Variants in AAMDC observed in about 807,000 individuals in gnomAD.
AAMDC encodes adipogenesis associated Mth938 domain containing, also known as mth938 domain-containing protein.
Under a neutral mutation model 15.5 loss-of-function variants are expected in AAMDC, and 16 were observed. The observed-to-expected ratio is 1.03, with a 90% CI of 0.70 to 1.57. AAMDC has a LOEUF of 1.57. AAMDC is among the 40% of genes most tolerant of loss of function. The probability of loss-of-function intolerance (pLI) is 0.00; values close to 1 mark genes in which losing one functional copy is unlikely to be tolerated. For missense variants in AAMDC, 141 were observed against 144.9 expected (o/e 0.97, Z 0.14); for synonymous variants, 51 against 51.6 (o/e 0.99, Z 0.05).
intron 2 of AAMDC, among the ~76,000 whole-genome samples, chr11:77,857,844 G>A (rs774253944): frequency 2.6e-4 from 40 of 151,928 alleles, no homozygotes; most frequent in East Asian, 2.3e-3. Flanking sequence ...CGACAGGTGC[G>A]CACCACCATG....
intron 3 of AAMDC, 65 bp from the exon 4 acceptor site, chr11:77,872,110 T>C: frequency 1.3e-6 from 2 of 1,530,118 alleles, no homozygotes; most frequent in Non-Finnish European, 1.8e-6. Context: ...ACCTGCCTCA[T>C]GGCAGTAAAG....
intron 5 of AAMDC, among the ~76,000 whole-genome samples, chr11:77,898,352 T>C (rs2136427144): frequency 6.6e-6 from 1 of 152,092 alleles, no homozygotes. Context: ...TTAGTAGAGA[T>C]GGGGTTTCAC....
At chr11:77,827,851 T>A (rs1446922820) in intron 1 of AAMDC, among the ~76,000 whole-genome samples, 1 of 152,212 alleles carries the variant, frequency 6.6e-6, no homozygotes, top group Non-Finnish European at 1.5e-5. Flanking sequence ...ATTACTGATC[T>A]TGTATGTAGG....
chr11:77,864,365 G>A (rs575408298), intron 2 of AAMDC, among the ~76,000 whole-genome samples: 217 of 151,866 alleles, frequency 1.4e-3, no homozygotes, highest in African/African-American at 4.9e-3. Context: ...GCTTGAACCC[G>A]GGAGTCGGAG....
intron 2 of AAMDC, among the ~76,000 whole-genome samples, chr11:77,856,649 G>C (rs1950637494): frequency 6.6e-6 from 1 of 152,116 alleles, no homozygotes; most frequent in African/African-American, 2.4e-5. Context: ...AGAAGGTGAA[G>C]AGGAAGCTGG....
intron 5 of AAMDC, among the ~76,000 whole-genome samples, chr11:77,879,964 CAG>C (rs1951730579): frequency 6.6e-6 from 1 of 152,152 alleles, no homozygotes. Context: ...GATAGGTTCT[CAG>C]AGACTCCCCA....
intron 1 of AAMDC, among the ~76,000 whole-genome samples, chr11:77,832,489 C>T (rs529950565): frequency 2.6e-5 from 4 of 151,976 alleles, no homozygotes; most frequent in African/African-American, 9.6e-5. Context: ...ACCATGCCCA[C>T]CTAATTTTGT....
chr11:77,852,460 A>AT (rs1950436590), intron 2 of AAMDC, among the ~76,000 whole-genome samples: 1 of 152,030 alleles, frequency 6.6e-6, no homozygotes, highest in African/African-American at 2.4e-5. Flanking sequence ...TATGACAGTC[A>AT]CTTGCTGTTC....
chr11:77,855,838 C>T (rs567551577), intron 2 of AAMDC, among the ~76,000 whole-genome samples: 1 of 150,250 alleles, frequency 6.7e-6, no homozygotes, highest in Non-Finnish European at 1.5e-5. Context: ...AGTGGCTCAT[C>T]CCTGTAATCC....
At chr11:77,869,605 G>A in intron 2 of AAMDC, 117 bp from the exon 3 acceptor site, 1 of 1,013,634 alleles carries the variant, frequency 9.9e-7, no homozygotes, top group Non-Finnish European at 1.5e-6. Context: ...TATGAGTGAT[G>A]CTTGGCACAA....
At chr11:77,891,597 T>C in intron 5 of AAMDC, 1 of 1,580,720 alleles carries the variant, frequency 6.3e-7, no homozygotes, top group Non-Finnish European at 8.6e-7. Context: ...GCCCAGCTGC[T>C]CCACTGGTCA....
intron 2 of AAMDC, among the ~76,000 whole-genome samples, chr11:77,854,420 T>A (rs1950528032): frequency 6.6e-6 from 1 of 152,204 alleles, no homozygotes; most frequent in Non-Finnish European, 1.5e-5. Context: ...ACTTCCAAGA[T>A]ACAATGGGGT....
chr11:77,828,670 GA>G (rs34504909), intron 1 of AAMDC, among the ~76,000 whole-genome samples: 2,793 of 83,842 alleles, frequency 0.033, 65 homozygotes, highest in African/African-American at 0.1. Context: ...ACTCCATCTC[GA>G]AAAAAAAAAA....
chr11:77,862,205 G>A (rs1019145577), intron 2 of AAMDC, among the ~76,000 whole-genome samples: 6 of 152,248 alleles, frequency 3.9e-5, no homozygotes, highest in African/African-American at 1.2e-4. Context: ...GTGGGGAATC[G>A]TTCTCATTCC....
At position 77,833,307 on chromosome 11, in the gene AAMDC, G is replaced by C. The variant is rs534046973; in HGVS notation, c.-18-9172G>C. Among the ~76,000 whole-genome samples the C allele has an allele frequency of 1.6e-4, 25 of 152,118 alleles. No homozygotes were observed. The South Asian group carries it at 3.9e-3, about 24-fold the overall frequency. On this transcript the variant is annotated intron_variant, in intron 1 of 3. Transcript: ENST00000393427. ...ATAATACAGAATCAGTGGGAGCCCT[G>C]AGCTTGTTTTCCTACAACTAGATGG...
downstream of AAMDC, among the ~76,000 whole-genome samples, chr11:77,873,498 A>G (rs1169736302): frequency 2.0e-5 from 3 of 152,228 alleles, no homozygotes; most frequent in African/African-American, 7.2e-5. Context: ...TTTATTCAGT[A>G]ATTCTCTTTC....
downstream of AAMDC, among the ~76,000 whole-genome samples, chr11:77,904,752 A>G (rs1193092412): frequency 2.6e-5 from 4 of 152,264 alleles, no homozygotes; most frequent in Non-Finnish European, 5.9e-5. Context: ...ATCCCAAAAC[A>G]TACAATCCCA....
chr11:77,893,022 C>G (rs1312908272), intron 5 of AAMDC, among the ~76,000 whole-genome samples: 1 of 152,188 alleles, frequency 6.6e-6, no homozygotes, highest in East Asian at 1.9e-4. Context: ...ATAAAAACCT[C>G]AGGTTTGGTG....
chr11:77,905,742 T>G (rs1395361393), intron 3 of AAMDC, among the ~76,000 whole-genome samples: 1 of 152,234 alleles, frequency 6.6e-6, no homozygotes, highest in Admixed American at 6.5e-5. Flanking sequence ...GACTTGAGGT[T>G]GTTGGGCACA....
Sources: allele counts gnomAD v4.1 joint callset (sites outside exome capture counted in the v4.1 genomes callset), GRCh38; gene constraint gnomAD v4.1.1; transcripts MANE v1.5; gene names NCBI Gene and HGNC (gene_info 2026-07-23, HGNC 2026-07-21).